The following TXNDC15 variants were observed in gnomAD, a reference collection of about 807,000 sequenced individuals.
The protein encoded by TXNDC15 is thioredoxin domain containing 15, also known as thioredoxin domain-containing protein 15.
In TXNDC15, 24 loss-of-function variants were observed where a neutral mutation model predicts 35.0. The observed-to-expected ratio is 0.68, with a 90% CI of 0.50 to 0.96. The LOEUF is 0.96. Ranked by LOEUF, TXNDC15 falls within the 40% of genes least tolerant of loss-of-function variation. TXNDC15 has a pLI of 0.00. For missense variants in TXNDC15, 385 were observed against 453.3 expected, an observed-to-expected ratio of 0.85 and a Z score of 1.37; for synonymous variants, 169 against 174.0, an observed-to-expected ratio of 0.97 and a Z score of 0.23.
At position 134,893,706 on chromosome 5, in the gene TXNDC15, G is replaced by C. The variant is rs374738927; in HGVS notation, c.755+51G>C. The C allele has an allele frequency of 4.6e-5, 74 of 1,608,748 alleles. No homozygotes were observed. In the African/African-American group the frequency reaches 9.2e-4, roughly 20 times the overall value. ...TCCATCCTCCTGGCTGATGGTTGCAGTTATTTGGAGGTCCTAATTAGTTAA... is the reference window on the plus strand; with the variant it reads ...TCCATCCTCCTGGCTGATGGTTGCACTTATTTGGAGGTCCTAATTAGTTAA... On this transcript the variant is annotated intron_variant, in intron 3 of 4. Transcript: ENST00000358387.
chr5:134,887,182 T>G lies in TXNDC15; in HGVS notation c.104-513T>G, dbSNP rs1750291989. Among the ~76,000 whole-genome samples, 3 of 152,086 alleles carry G rather than the reference T, an allele frequency of 2.0e-5. No homozygotes were observed. In the South Asian group the frequency reaches 6.2e-4, roughly 31 times the overall value. Reference sequence around the variant, plus strand: ...ATTTGACATTCATTATTTTGTTTGCTTGTTTGTTTGTTTGTTTTTTGAGAC... The same window carrying G: ...ATTTGACATTCATTATTTTGTTTGCGTGTTTGTTTGTTTGTTTTTTGAGAC... On this transcript the variant is annotated intron_variant, in intron 1 of 4. Coordinates refer to ENST00000358387, the MANE Select transcript of TXNDC15 (RefSeq NM_024715.4).
intron 1 of TXNDC15, among the ~76,000 whole-genome samples, chr5:134,879,985 G>A (rs190069369): frequency 6.6e-6 from 1 of 152,060 alleles, no homozygotes; most frequent in Non-Finnish European, 1.5e-5. Flanking sequence ...TAGTACAGAC[G>A]GGATTTCAAC....
chr5:134,875,359 T>G (rs544266122), intron 1 of TXNDC15: 1 of 456,274 alleles, frequency 2.2e-6, no homozygotes, highest in Admixed American at 2.3e-5. Context: ...TGGGGTGTCC[T>G]GGATGGAGGC....
intron 3 of TXNDC15, among the ~76,000 whole-genome samples, chr5:134,895,158 G>C (rs954349589): frequency 5.3e-5 from 8 of 151,828 alleles, no homozygotes; most frequent in African/African-American, 1.9e-4. Flanking sequence ...TCCAGCCTGG[G>C]CTACAGAGTG....
At chr5:134,885,398 A>T (rs972521156) in intron 1 of TXNDC15, among the ~76,000 whole-genome samples, 1 of 152,166 alleles carries the variant, frequency 6.6e-6, no homozygotes, top group African/African-American at 2.4e-5. Flanking sequence ...TGAATTATGA[A>T]GTTTTTCAGT....
intron 2 of TXNDC15, among the ~76,000 whole-genome samples, chr5:134,889,886 C>G (rs181357321): frequency 9.9e-5 from 15 of 152,214 alleles, no homozygotes; most frequent in Admixed American, 7.2e-4. Flanking sequence ...ATGTATATAC[C>G]TTAATTTAAA....
chr5:134,884,237 G>T (rs1355372668), intron 1 of TXNDC15, among the ~76,000 whole-genome samples: 3 of 137,080 alleles, frequency 2.2e-5, no homozygotes, highest in Non-Finnish European at 4.7e-5. Context: ...AAAAAAAAAA[G>T]GGTACAATTT....
intron 2 of TXNDC15, chr5:134,892,175 T>TC (rs1269512224): frequency 6.6e-6 from 1 of 152,046 alleles, no homozygotes; most frequent in African/African-American, 2.4e-5. Flanking sequence ...TTTTTTTTTT[T>TC]CCCCATTGAT....
At chr5:134,896,532 C>A in intron 4 of TXNDC15, 108 bp downstream of exon 4, 2 of 1,393,624 alleles carry the variant, frequency 1.4e-6, no homozygotes, top group Non-Finnish European at 2.0e-6. Flanking sequence ...TCAAGACTGA[C>A]TTTGAGTTGT....
Position 134,881,212 on chromosome 5 carries a change from T to C in TXNDC15, c.104-6483T>C, listed in dbSNP as rs1269972965. ...ATTTATTTATTTATTTTTTTATTGA[T>C]CATTCTTGGGTGTTTCTCGCAGAGG... is the stretch of plus-strand genomic sequence containing the variant. On this transcript the variant is annotated intron_variant, in intron 1 of 4. Transcript: ENST00000358387. Among the ~76,000 whole-genome samples, 19 of 144,468 alleles carry C rather than the reference T, an allele frequency of 1.3e-4. 1 individual carries two copies. The South Asian group carries it at 3.9e-3, about 30-fold the overall frequency. The allele number at this position is 144,468 out of a possible 152,430, so 94.8% of individuals were successfully genotyped here.
chr5:134,890,369 T>TTTCTC (rs1750364667), intron 2 of TXNDC15, among the ~76,000 whole-genome samples: 1 of 150,826 alleles, frequency 6.6e-6, no homozygotes, highest in South Asian at 2.1e-4. Context: ...TTTCTTTTCT[T>TTTCTC]TTCTCTTTTC....
At chr5:134,881,239 G>T (rs1249669175) in intron 1 of TXNDC15, among the ~76,000 whole-genome samples, 4 of 123,704 alleles carry the variant, frequency 3.2e-5, no homozygotes, top group Non-Finnish European at 5.0e-5. Flanking sequence ...TCGCAGAGGG[G>T]GATTTGGCAG....
intron 1 of TXNDC15, chr5:134,875,021 T>G: frequency 2.4e-6 from 1 of 410,142 alleles, no homozygotes; most frequent in South Asian, 1.7e-5. Context: ...AGGCCCCGCC[T>G]AAGTTTGCGC....
At position 134,888,027 on chromosome 5, in the gene TXNDC15, G is replaced by A. The variant is rs1325546328; in HGVS notation, c.436G>A (p.Glu146Lys). ...AGAHFPDREE[E>K]YYTEPEVAES... ...AGCACACTTCCCTGACAGAGAAGAG[G>A]AGTATTACACAGAGCCAGAAGTGGC... The change falls in exon 2 of 5, where the codon GAG becomes AAG. Residue 146 changes from glutamate (E) to lysine (K), a missense_variant. Coordinates refer to ENST00000358387, the MANE Select transcript of TXNDC15 (RefSeq NM_024715.4). 1.9e-6 allele frequency: 3 copies of A among 1,614,222 alleles called. No homozygotes were observed. The Admixed American group carries it at 5.0e-5, about 27-fold the overall frequency.
At chr5:134,892,292 G>T (rs1040846628) in intron 2 of TXNDC15, 3 of 152,074 alleles carry the variant, frequency 2.0e-5, no homozygotes, top group African/African-American at 7.2e-5. Flanking sequence ...GCCAACCCCA[G>T]CTAATTTCAG....
intron 4 of TXNDC15, among the ~76,000 whole-genome samples, chr5:134,897,474 C>T (rs919103737): frequency 6.6e-6 from 1 of 152,042 alleles, no homozygotes; most frequent in Non-Finnish European, 1.5e-5. Flanking sequence ...GTCTTGCACT[C>T]CTAACCTCAA....
chr5:134,896,665 T>C (rs75147647), intron 4 of TXNDC15, among the ~76,000 whole-genome samples: 2 of 151,098 alleles, frequency 1.3e-5, no homozygotes, highest in African/African-American at 4.9e-5. Context: ...TTTTTTTTTT[T>C]TTGAGTCTTG....
At chr5:134,874,597 T>A in intron 1 of TXNDC15, 67 bp downstream of exon 1, 1 of 1,347,278 alleles carries the variant, frequency 7.4e-7, no homozygotes. Context: ...GGCGACGCTC[T>A]GGACCTGCGC....
At chr5:134,887,613 C>T (rs1365649335) in intron 1 of TXNDC15, 82 bp from the exon 2 acceptor site, 11 of 1,495,614 alleles carry the variant, frequency 7.4e-6, no homozygotes, top group East Asian at 4.6e-5. Context: ...GGGAAAATTT[C>T]GTGTTAGAGG....
Sources: gnomAD v4.1 joint callset for allele counts (sites outside exome capture counted in the v4.1 genomes callset) on GRCh38, gnomAD v4.1.1 for gene constraint, MANE v1.5 for transcripts, NCBI Gene and HGNC (gene_info 2026-07-23, HGNC 2026-07-21) for gene names.